RALYL: variants seen among roughly 807,000 people sequenced by gnomAD.
RALYL encodes RALY RNA binding protein like, also known as RNA-binding Raly-like protein.
Under a neutral mutation model 35.1 loss-of-function variants are expected in RALYL, and 29 were observed. That is an observed-to-expected ratio of 0.83 (90% CI 0.61 to 1.13). RALYL has a LOEUF of 1.13. RALYL is among the 50% of genes most tolerant of loss of function. The probability of loss-of-function intolerance (pLI) is 0.00; values close to 1 mark genes in which losing one functional copy is unlikely to be tolerated. For synonymous variants in RALYL, 120 were observed against 127.6 expected, an observed-to-expected ratio of 0.94 and a Z score of 0.40; for missense variants, 359 against 360.4, an observed-to-expected ratio of 1.00 and a Z score of 0.03.
intron 4 of RALYL, among the ~76,000 whole-genome samples, chr8:84,840,084 G>T (rs560248625): frequency 2.1e-4 from 32 of 152,302 alleles, no homozygotes; most frequent in African/African-American, 6.7e-4. Flanking sequence ...AAGGAACGCA[G>T]CTCCTCACCA....
chr8:84,872,409 A>C (rs1303642489), intron 6 of RALYL: 1 of 152,132 alleles, frequency 6.6e-6, no homozygotes, highest in Non-Finnish European at 1.5e-5. Context: ...AGTGCAGTAA[A>C]TTTTTTACAA....
intron 8 of RALYL, among the ~76,000 whole-genome samples, chr8:84,905,431 AACAC>A (rs1203094662): frequency 6.6e-6 from 1 of 152,128 alleles, no homozygotes; most frequent in Non-Finnish European, 1.5e-5. Context: ...TCTTTGGATA[AACAC>A]ACAGTAGTGG....
At chr8:84,416,355 C>T (rs1467978369) in intron 1 of RALYL, among the ~76,000 whole-genome samples, 2 of 152,140 alleles carry the variant, frequency 1.3e-5, no homozygotes, top group Non-Finnish European at 2.9e-5. Context: ...GGGATCTAAA[C>T]TAGTCTGTGC....
intron 2 of RALYL, among the ~76,000 whole-genome samples, chr8:84,727,578 C>T (rs887262683): frequency 1.3e-5 from 2 of 151,104 alleles, no homozygotes; most frequent in South Asian, 2.1e-4. Flanking sequence ...CCCACTAACT[C>T]GTCATCTAGC....
chr8:84,844,670 G>T (rs1402404552), intron 4 of RALYL, among the ~76,000 whole-genome samples: 2 of 152,170 alleles, frequency 1.3e-5, no homozygotes, highest in African/African-American at 2.4e-5. Flanking sequence ...ACATGCACAT[G>T]TATGTTTATT....
At chr8:84,327,513 G>C (rs1846024259) in intron 1 of RALYL, among the ~76,000 whole-genome samples, 3 of 152,082 alleles carry the variant, frequency 2.0e-5, no homozygotes, top group Non-Finnish European at 4.4e-5. Flanking sequence ...GGCCATATCT[G>C]GCCTGCTACC....
In RALYL at chr8:84,469,455, G is replaced by C. The variant is rs150879825; in HGVS notation, c.-23-59844G>C. On this transcript the variant is annotated intron_variant, in intron 1 of 8. Coordinates refer to ENST00000521268, the MANE Select transcript of RALYL (RefSeq NM_173848.7). ...GGGGTGCCTCCCAGTTAGGCTGCTC[G>C]GGTGTCAGGGGACAGGGACCCACTT... Among the ~76,000 whole-genome samples the C allele has an allele frequency of 9.2e-5, 14 of 152,270 alleles. No individual in the cohort carries two copies. In the South Asian group the frequency reaches 2.5e-3, roughly 27 times the overall value.
rs1817118831 is a variant in RALYL, at chr8:84,777,538, G to A, written c.332+2884G>A. On this transcript the variant is annotated intron_variant, in intron 3 of 8. Coordinates refer to ENST00000521268, the MANE Select transcript of RALYL (RefSeq NM_173848.7). ...GAGAGGATAGAGTTGCATAAATGAG[G>A]TAAAAGCATTTAGTTCAATGTAGAG... Among the ~76,000 whole-genome samples the A allele has an allele frequency of 2.0e-5, 3 of 152,196 alleles. 1 individual carries two copies. In the South Asian group the frequency reaches 6.2e-4, roughly 32 times the overall value.
At chr8:84,288,885 A>T (rs759584757) in intron 1 of RALYL, among the ~76,000 whole-genome samples, 1 of 152,194 alleles carries the variant, frequency 6.6e-6, no homozygotes, top group South Asian at 2.1e-4. Flanking sequence ...TTTATGCTGT[A>T]GAAGTACATA....
intron 2 of RALYL, among the ~76,000 whole-genome samples, chr8:84,692,035 T>C (rs1017738323): frequency 9.9e-5 from 15 of 152,006 alleles, no homozygotes; most frequent in Non-Finnish European, 1.6e-4. Context: ...CCAATCATGA[T>C]TTTTAAAAAA....
chr8:84,904,662 T>C (rs1587115640), intron 8 of RALYL, among the ~76,000 whole-genome samples: 1 of 152,118 alleles, frequency 6.6e-6, no homozygotes, highest in African/African-American at 2.4e-5. Flanking sequence ...ATTTGACTTT[T>C]AAAGTATCAT....
At chr8:84,388,989 G>A (rs1859936748) in intron 1 of RALYL, among the ~76,000 whole-genome samples, 1 of 152,148 alleles carries the variant, frequency 6.6e-6, no homozygotes, top group South Asian at 2.1e-4. Context: ...TAACATGTAA[G>A]TCTTTAATCC....
intron 1 of RALYL, among the ~76,000 whole-genome samples, chr8:84,469,596 G>A (rs1182338800): frequency 6.6e-6 from 1 of 152,164 alleles, no homozygotes; most frequent in Non-Finnish European, 1.5e-5. Flanking sequence ...CTGTCTTTTT[G>A]TTTGTGCCCT....
intron 2 of RALYL, among the ~76,000 whole-genome samples, chr8:84,530,535 C>T (rs913556057): frequency 7.2e-5 from 11 of 151,802 alleles, no homozygotes; most frequent in Admixed American, 3.9e-4. Context: ...TCATCAAGTT[C>T]GCTTGTCAAT....
chr8:84,846,568 G>C (rs1162030754), intron 4 of RALYL, among the ~76,000 whole-genome samples: 1 of 152,106 alleles, frequency 6.6e-6, no homozygotes, highest in East Asian at 1.9e-4. Context: ...GACTTTTTTG[G>C]AATAGTTTCA....
intron 1 of RALYL, among the ~76,000 whole-genome samples, chr8:84,324,705 G>A (rs73306968): frequency 0.047 from 7,165 of 151,760 alleles, 262 homozygotes; most frequent in African/African-American, 0.083. Flanking sequence ...AATTATTACT[G>A]CTTCCCAAAA....
chr8:84,768,614 G>A (rs940068881), intron 2 of RALYL, among the ~76,000 whole-genome samples: 7 of 152,316 alleles, frequency 4.6e-5, no homozygotes, highest in South Asian at 2.1e-4. Context: ...GAAAGTGTGT[G>A]GCTGACTAGG....
chr8:84,851,236 C>A (rs1835801802), intron 5 of RALYL, among the ~76,000 whole-genome samples: 1 of 152,114 alleles, frequency 6.6e-6, no homozygotes, highest in Admixed American at 6.6e-5. Flanking sequence ...CAAAAAAAAT[C>A]ATTGACAGAC....
At chr8:84,462,191 C>T (rs1168665226) in intron 1 of RALYL, among the ~76,000 whole-genome samples, 2 of 150,946 alleles carry the variant, frequency 1.3e-5, no homozygotes, top group African/African-American at 4.9e-5. Context: ...TTTTAATTTC[C>T]AATCGCCTAA....
Sources: gnomAD v4.1 joint callset for allele counts (sites outside exome capture counted in the v4.1 genomes callset) on GRCh38, gnomAD v4.1.1 for gene constraint, MANE v1.5 for transcripts, NCBI Gene and HGNC (gene_info 2026-07-23, HGNC 2026-07-21) for gene names.